Variants in BROX observed in about 807,000 individuals in gnomAD.
The protein encoded by BROX is BRO1 domain and CAAX motif containing.
A neutral mutation model predicts 61.0 loss-of-function variants in BROX; 53 were observed. The observed-to-expected ratio is 0.87, with a 90% CI of 0.70 to 1.09. The LOEUF (loss-of-function observed/expected upper bound fraction) is 1.09. BROX is among the 50% of genes least tolerant of loss of function. BROX has a pLI of 0.00. For missense variants in BROX, 489 were observed against 472.0 expected (o/e 1.04, Z -0.33); for synonymous variants, 152 against 160.2 (o/e 0.95, Z 0.38).
rs1236119003 is a variant in BROX at position 222,735,116 on chromosome 1, A to G, written c.*2402A>G. The G allele has an allele frequency of 1.3e-5, 2 of 152,248 alleles. No individual in the cohort carries two copies. Among genetic ancestry groups the G allele is most frequent in the African/African-American group, 4.8e-5 (2 of 41,464 alleles). The allele number at this position is 152,248 out of a possible 1,614,324, so 9.4% of individuals were successfully genotyped here. A position where few individuals can be genotyped will look rare whatever the true frequency, so the allele number is the denominator to read the frequency against. ...TTCATACTAGGCAGTGACAACTAAC[A>G]TGTTACTTCAACTAAAAGTGTATAA... On this transcript the variant is annotated 3_prime_UTR_variant, in exon 13 of 13. Transcript: ENST00000340934.
intron 7 of BROX, among the ~76,000 whole-genome samples, 153 bp from the exon 8 acceptor site, chr1:222,727,014 GT>G (rs1657552777): frequency 6.6e-6 from 1 of 152,156 alleles, no homozygotes; most frequent in South Asian, 2.1e-4. Flanking sequence ...TTTTGTTAAT[GT>G]TTGCATTTTC....
At chr1:222,715,879 C>G (rs956742028) in intron 2 of BROX, 79 bp downstream of exon 2, 30 of 716,658 alleles carry the variant, frequency 4.2e-5, no homozygotes, top group Non-Finnish European at 6.6e-5. Context: ...ATGTAACACA[C>G]TGTTTCTAAG....
In BROX at chr1:222,735,031, G is replaced by A. The variant is rs763435923; in HGVS notation, c.*2317G>A. ...TGGAAATTTTGGGGAATTATCAAAT[G>A]TATAGAAGTTGCATGAAGGTTATAG... On this transcript the variant is annotated 3_prime_UTR_variant, in exon 13 of 13. Coordinates refer to ENST00000340934, the MANE Select transcript of BROX (RefSeq NM_144695.4). 2 of 152,178 alleles carry A rather than the reference G, an allele frequency of 1.3e-5. No homozygotes were observed. Among genetic ancestry groups the A allele is most frequent in the Non-Finnish European group, 2.9e-5 (2 of 68,022 alleles). The allele number at this position is 152,178 out of a possible 1,614,324, so 9.4% of individuals were successfully genotyped here.
intron 1 of BROX, chr1:222,713,512 C>A: frequency 1.1e-6 from 1 of 898,840 alleles, no homozygotes; most frequent in Non-Finnish European, 1.3e-6. Context: ...CAGCTTCGAT[C>A]CGAATGTTGT....
chr1:222,716,343 C>G (rs1368272819), intron 2 of BROX, among the ~76,000 whole-genome samples: 4 of 152,178 alleles, frequency 2.6e-5, no homozygotes, highest in African/African-American at 9.7e-5. Context: ...AAGTGATCCA[C>G]CTACCTTGGC....
chr1:222,720,520 A>G (rs749292080), intron 4 of BROX, among the ~76,000 whole-genome samples: 2 of 152,136 alleles, frequency 1.3e-5, no homozygotes, highest in Non-Finnish European at 2.9e-5. Context: ...TCTGTGTAAT[A>G]GTGAGCTAAA....
chr1:222,719,412 G>C (rs1656895600), intron 4 of BROX, 53 bp downstream of exon 4: 2 of 1,276,096 alleles, frequency 1.6e-6, no homozygotes, highest in Admixed American at 3.4e-5. Flanking sequence ...TAACTATGTA[G>C]CCAGTGGTTA....
intron 2 of BROX, among the ~76,000 whole-genome samples, chr1:222,718,616 T>C (rs756464232): frequency 6.6e-6 from 1 of 152,198 alleles, no homozygotes; most frequent in Non-Finnish European, 1.5e-5. Flanking sequence ...ACTTGACATA[T>C]ATTTTTATTA....
In BROX at chr1:222,735,069, G is replaced by C. The variant is rs1160047893; in HGVS notation, c.*2355G>C. On this transcript the variant is annotated 3_prime_UTR_variant, in exon 13 of 13. Coordinates refer to ENST00000340934, the MANE Select transcript of BROX (RefSeq NM_144695.4). ...ATGAAGGTTATAGAGAGGTGTAACT[G>C]TTTGTTAACTATTACATGGATTTCA... 6.6e-6 allele frequency: 1 copy of C among 152,148 alleles called. No individual in the cohort carries two copies. The highest frequency in any genetic ancestry group is 1.5e-5 in the Non-Finnish European group (1 of 68,002). 9.4% of individuals were successfully genotyped at this position (152,148 alleles called of 1,614,324 possible).
At chr1:222,731,283 A>C in intron 11 of BROX, 74 bp from the exon 12 acceptor site, 2 of 1,275,914 alleles carry the variant, frequency 1.6e-6, no homozygotes, top group Non-Finnish European at 2.1e-6. Context: ...ATTGTCCCAA[A>C]CAGGACCTTG....
rs893102902 is a variant in BROX, at chr1:222,713,104, A to G, written c.-17+162A>G. 3.9e-6 allele frequency: 4 copies of G among 1,018,440 alleles called. No individual in the cohort carries two copies. In the Admixed American group the frequency reaches 1.7e-4, roughly 43 times the overall value. The allele number at this position is 1,018,440 out of a possible 1,614,324, so 63.1% of individuals were successfully genotyped here. A position where few individuals can be genotyped will look rare whatever the true frequency, so the allele number is the denominator to read the frequency against. The stretch of plus-strand genomic sequence containing the variant: ...CCTTGAAACAAACGACAGAAAGAAA[A>G]TCCATATTGGTCACCACAAATCAGT... On this transcript the variant is annotated intron_variant, in intron 1 of 12. Coordinates refer to ENST00000340934, the MANE Select transcript of BROX (RefSeq NM_144695.4).
At chr1:222,726,686 T>C (rs139800526) in intron 7 of BROX, among the ~76,000 whole-genome samples, 3 of 151,120 alleles carry the variant, frequency 2.0e-5, no homozygotes, top group African/African-American at 7.3e-5. Flanking sequence ...CATTGCACTC[T>C]AGCGTGGTCA....
intron 4 of BROX, among the ~76,000 whole-genome samples, chr1:222,722,098 C>A (rs1657144913): frequency 6.6e-6 from 1 of 152,154 alleles, no homozygotes; most frequent in Admixed American, 6.5e-5. Flanking sequence ...CGATTCTAAG[C>A]CCCATCCCAG....
At chr1:222,732,008 T>A (rs541247816) in intron 12 of BROX, among the ~76,000 whole-genome samples, 6 of 152,306 alleles carry the variant, frequency 3.9e-5, no homozygotes, top group Admixed American at 3.3e-4. Flanking sequence ...ACCAAAAGAC[T>A]AGGGATCTGT....
In BROX at chr1:222,718,741, T is replaced by G. The variant is rs138949658; in HGVS notation, c.102-184T>G. On this transcript the variant is annotated intron_variant, in intron 2 of 12. Coordinates refer to ENST00000340934, the MANE Select transcript of BROX (RefSeq NM_144695.4). ...ATTTAGTCCTGATTAAATTCATTTG[T>G]TAATCCCTTAGAGGAGGTAGGCATG... Among the ~76,000 whole-genome samples, 224 of 152,302 alleles carry G rather than the reference T, an allele frequency of 1.5e-3. 6 individuals are homozygous for G. In the South Asian group the frequency reaches 0.021, roughly 14 times the overall value.
intron 2 of BROX, among the ~76,000 whole-genome samples, chr1:222,716,627 A>G (rs566896084): frequency 2.0e-5 from 3 of 152,308 alleles, no homozygotes; most frequent in Admixed American, 6.5e-5. Context: ...AGCCAGCCCC[A>G]CATTTATTGA....
rs752216787 is a variant in BROX at position 222,715,669 on chromosome 1, CTTTT to C, written c.-16-12_-16-9del. On this transcript the variant is annotated splice_polypyrimidine_tract_variant and intron_variant, in intron 1 of 12. Coordinates refer to ENST00000340934, the MANE Select transcript of BROX (RefSeq NM_144695.4). Reference sequence around the variant, plus strand: ...ATATTTAATTTTTGTATATTTTTTACTTTTTTGTCTATAGAAAACATCTGGAGAA... The same window carrying C: ...ATATTTAATTTTTGTATATTTTTTACTTGTCTATAGAAAACATCTGGAGAA... The C allele has an allele frequency of 7.8e-7, 1 of 1,281,252 alleles. No homozygotes were observed. Among genetic ancestry groups the C allele is most frequent in the Non-Finnish European group, 1.0e-6 (1 of 959,366 alleles). The allele number at this position is 1,281,252 out of a possible 1,614,324, so 79.4% of individuals were successfully genotyped here.
Position 222,732,648 on chromosome 1 carries a change from AGAAGT to A in BROX, c.1174_1178del (p.Val392ThrfsTer29). On this transcript the variant is annotated frameshift_variant, in exon 13 of 13. Transcript: ENST00000340934. LOFTEE classifies it high-confidence loss of function. Reference sequence around the variant, plus strand: ...CCTAGACTAAACCCAAACCAGAAGAAGAAGTGAAACCTGTGAAAGAACCAGACATC... The same window carrying A: ...CCTAGACTAAACCCAAACCAGAAGAAGAAACCTGTGAAAGAACCAGACATC... 6.2e-7 allele frequency: 1 copy of A among 1,613,736 alleles called. No homozygotes were observed. The highest frequency in any genetic ancestry group is 1.7e-5 in the Admixed American group (1 of 59,990).
intron 7 of BROX, 33 bp downstream of exon 7, chr1:222,725,588 A>G (rs762151216): frequency 1.7e-5 from 26 of 1,504,170 alleles, no homozygotes; most frequent in East Asian, 1.1e-4. Context: ...TTTTTAAATG[A>G]AAGTCTATAT....
Sources: gnomAD v4.1 joint callset for allele counts (sites outside exome capture counted in the v4.1 genomes callset) on GRCh38, gnomAD v4.1.1 for gene constraint, MANE v1.5 for transcripts, NCBI Gene and HGNC (gene_info 2026-07-23, HGNC 2026-07-21) for gene names.